ASRGL1: variants seen among roughly 807,000 people sequenced by gnomAD.
ASRGL1 encodes the protein isoaspartyl peptidase/L-asparaginase.
A neutral mutation model predicts 22.4 loss-of-function variants in ASRGL1; 16 were observed. That is an observed-to-expected ratio of 0.71 (90% CI 0.48 to 1.08). ASRGL1 has a LOEUF of 1.08. Ranked by LOEUF, ASRGL1 falls within the 50% of genes least tolerant of loss-of-function variation. The pLI, the probability that ASRGL1 is intolerant of heterozygous loss-of-function variation, is 0.00. For missense variants in ASRGL1, 412 were observed against 410.1 expected, an observed-to-expected ratio of 1.00 and a Z score of -0.04; for synonymous variants, 165 against 159.3, an observed-to-expected ratio of 1.04 and a Z score of -0.27.
intron 2 of ASRGL1, among the ~76,000 whole-genome samples, chr11:62,349,819 CT>C (rs1350836451): frequency 1.3e-5 from 2 of 152,148 alleles, no homozygotes; most frequent in African/African-American, 4.8e-5. Flanking sequence ...ATGGTTATTT[CT>C]TGATGATCTG....
intron 2 of ASRGL1, among the ~76,000 whole-genome samples, chr11:62,344,190 T>C (rs2463821): frequency 0.9 from 136,840 of 152,180 alleles, 61,572 homozygotes; most frequent in East Asian, 1. Context: ...GCCACTGCGC[T>C]TGGCCTGTCG....
At chr11:62,376,656 T>G (rs1946939835) in intron 4 of ASRGL1, among the ~76,000 whole-genome samples, 2 of 152,138 alleles carry the variant, frequency 1.3e-5, no homozygotes, top group Non-Finnish European at 2.9e-5. Context: ...TGTCTCCCCC[T>G]TCGTTTTGTT....
chr11:62,365,158 G>A (rs1946580739), intron 4 of ASRGL1, among the ~76,000 whole-genome samples: 1 of 152,134 alleles, frequency 6.6e-6, no homozygotes, highest in East Asian at 1.9e-4. Flanking sequence ...GAAGGTGTAA[G>A]CCAGAGGGTA....
At chr11:62,344,276 G>C (rs1046921326) in intron 2 of ASRGL1, among the ~76,000 whole-genome samples, 4 of 152,106 alleles carry the variant, frequency 2.6e-5, no homozygotes, top group African/African-American at 9.7e-5. Context: ...TGAGTTTTAA[G>C]AGTTGTTTAT....
At chr11:62,341,989 T>A (rs982116731) in intron 2 of ASRGL1, among the ~76,000 whole-genome samples, 1 of 152,238 alleles carries the variant, frequency 6.6e-6, no homozygotes, top group Non-Finnish European at 1.5e-5. Context: ...TAAGGCCGTT[T>A]TTATTTTTTG....
At chr11:62,358,613 A>G (rs1337481768) in intron 4 of ASRGL1, among the ~76,000 whole-genome samples, 1 of 152,176 alleles carries the variant, frequency 6.6e-6, no homozygotes, top group Admixed American at 6.5e-5. Flanking sequence ...ACTTTAAAGG[A>G]CCCTCATACC....
chr11:62,378,881 C>T (rs1203585517), intron 4 of ASRGL1, among the ~76,000 whole-genome samples: 2 of 152,060 alleles, frequency 1.3e-5, no homozygotes, highest in Non-Finnish European at 2.9e-5. Flanking sequence ...ACAGTGGCCA[C>T]CCCTAAAAAG....
In ASRGL1 at chr11:62,338,438, A is replaced by T. The variant is rs1009207841; in HGVS notation, c.190+271A>T. 29 of 394,268 alleles carry T rather than the reference A, an allele frequency of 7.4e-5. No individual in the cohort carries two copies. The South Asian group carries it at 9.7e-4, about 13-fold the overall frequency. 24.4% of individuals were successfully genotyped at this position (394,268 alleles called of 1,614,324 possible). A position where few individuals can be genotyped will look rare whatever the true frequency, so the allele number is the denominator to read the frequency against. On this transcript the variant is annotated intron_variant, in intron 2 of 6. Transcript: ENST00000415229. ...TGAGAATGTGTGCTTCTGGAGAGAC[A>T]TAAGATGTCAATCAGTACATACAAG...
intron 4 of ASRGL1, among the ~76,000 whole-genome samples, chr11:62,363,005 G>A (rs1946520212): frequency 2.3e-5 from 3 of 130,154 alleles, no homozygotes; most frequent in South Asian, 2.5e-4. Flanking sequence ...TGCAAGCTCC[G>A]CCTCCAGGGT....
intron 4 of ASRGL1, among the ~76,000 whole-genome samples, chr11:62,376,033 T>C (rs538134735): frequency 1.0e-3 from 135 of 132,766 alleles, no homozygotes; most frequent in African/African-American, 3.8e-3. Context: ...ACCTGGGAAG[T>C]GGAGGTTGCC....
downstream of ASRGL1, among the ~76,000 whole-genome samples, chr11:62,397,836 C>T (rs1202638260): frequency 6.6e-6 from 1 of 152,188 alleles, no homozygotes; most frequent in African/African-American, 2.4e-5. Context: ...TCCACCATTG[C>T]TTGCCAAGAA....
the ASRGL1 span, among the ~76,000 whole-genome samples, chr11:62,400,243 G>A: frequency 6.6e-6 from 1 of 152,174 alleles, no homozygotes; most frequent in Non-Finnish European, 1.5e-5. Context: ...TCCCTCAAAG[G>A]TCCTCACAGG....
chr11:62,361,753 TG>T (rs920744349), intron 4 of ASRGL1, among the ~76,000 whole-genome samples: 20 of 152,074 alleles, frequency 1.3e-4, no homozygotes, highest in African/African-American at 4.8e-4. Context: ...CCTAAAGTAC[TG>T]GGATTACAGG....
chr11:62,348,077 A>T (rs983713397), intron 2 of ASRGL1, among the ~76,000 whole-genome samples: 1 of 152,202 alleles, frequency 6.6e-6, no homozygotes, highest in Non-Finnish European at 1.5e-5. Context: ...ATCAGGTATC[A>T]TAAGTGATTT....
At chr11:62,369,310 GAC>G (rs1478016337) in intron 4 of ASRGL1, among the ~76,000 whole-genome samples, 10 of 152,098 alleles carry the variant, frequency 6.6e-5, no homozygotes, top group Admixed American at 6.5e-4. Flanking sequence ...ATGTCTCTGC[GAC>G]ACAGGGTTGG....
chr11:62,380,259 T>A (rs1947031253), intron 4 of ASRGL1, among the ~76,000 whole-genome samples: 1 of 152,144 alleles, frequency 6.6e-6, no homozygotes, highest in African/African-American at 2.4e-5. Flanking sequence ...AGGATTGGCG[T>A]TTCCATATGC....
chr11:62,389,036 A>G (rs775423447), intron 4 of ASRGL1, 97 bp from the exon 5 acceptor site: 120 of 1,053,628 alleles, frequency 1.1e-4, no homozygotes, highest in Non-Finnish European at 1.5e-4. Context: ...CCATCAACAT[A>G]TAACATGAAA....
intron 4 of ASRGL1, chr11:62,371,486 G>T: frequency 1.6e-6 from 1 of 641,570 alleles, no homozygotes; most frequent in Middle Eastern, 4.0e-4. Flanking sequence ...GCTGTGCTTT[G>T]TTAAAAAAGC....
intron 4 of ASRGL1, among the ~76,000 whole-genome samples, chr11:62,368,239 A>C (rs1484256577): frequency 2.6e-5 from 4 of 152,186 alleles, no homozygotes; most frequent in Non-Finnish European, 5.9e-5. Context: ...ATAGGTATGT[A>C]CATACAGTAT....
Sources: allele counts gnomAD v4.1 joint callset (sites outside exome capture counted in the v4.1 genomes callset), GRCh38; gene constraint gnomAD v4.1.1; transcripts MANE v1.5; gene names NCBI Gene and HGNC (gene_info 2026-07-23, HGNC 2026-07-21).